The following OAT variants were observed in gnomAD, a reference collection of about 807,000 sequenced individuals.
OAT encodes the protein ornithine aminotransferase, mitochondrial.
Under a neutral mutation model 48.4 loss-of-function variants are expected in OAT, and 35 were observed. The ratio of observed to expected loss-of-function variants is 0.72; its 90% CI spans 0.55 to 0.96. The LOEUF (loss-of-function observed/expected upper bound fraction) is 0.96. Among genes scored for constraint, OAT ranks in the 40% least tolerant of loss-of-function variants. The pLI, the probability that OAT is intolerant of heterozygous loss-of-function variation, is 0.00. For missense variants in OAT, 438 were observed against 537.9 expected, an observed-to-expected ratio of 0.81 and a Z score of 1.84; for synonymous variants, 182 against 198.4, an observed-to-expected ratio of 0.92 and a Z score of 0.70.
intron 1 of OAT, among the ~76,000 whole-genome samples, chr10:124,413,513 G>A (rs531206664): frequency 7.2e-5 from 11 of 152,114 alleles, no homozygotes; most frequent in Admixed American, 2.6e-4. Context: ...GAGAAACCCC[G>A]TCTCTACTGA....
chr10:124,406,124 C>T (rs936969960), intron 4 of OAT: 2 of 984,752 alleles, frequency 2.0e-6, no homozygotes, highest in African/African-American at 3.5e-5. Flanking sequence ...CAGACGTCTC[C>T]CTTTCTGCTG....
chr10:124,405,603 C>T, intron 4 of OAT, 40 bp from the exon 5 acceptor site: 1 of 1,610,294 alleles, frequency 6.2e-7, no homozygotes, highest in Middle Eastern at 1.7e-4. Context: ...TCAAAGAAAC[C>T]CAAAATTCAA....
Position 124,412,014 on chromosome 10 carries a change from T to C in OAT, c.158A>G (p.His53Arg), listed in dbSNP as rs752924079. 5.0e-6 allele frequency: 8 copies of C among 1,614,122 alleles called. No homozygotes were observed. The East Asian group carries it at 1.6e-4, about 31-fold the overall frequency. ...GGCTACAGGTAAAGGATGGTAGTTG[T>C]GTGCACCATACTTATATTCCCTTTC... ...IFEREYKYGA[H>R]NYHPLPVALE... The change falls in exon 2 of 10, where the codon CAC (histidine) becomes CGC (arginine). Residue 53 changes from histidine to arginine, a missense_variant. His to Arg is a conservative substitution (Grantham distance 29). Coordinates refer to ENST00000368845, the MANE Select transcript of OAT (RefSeq NM_000274.4).
At chr10:124,398,709 A>G (rs1951309183) in intron 9 of OAT, among the ~76,000 whole-genome samples, 2 of 151,338 alleles carry the variant, frequency 1.3e-5, no homozygotes, top group Middle Eastern at 3.5e-3. Flanking sequence ...TCACACAAGG[A>G]ACTAATGCAA....
rs150360964 is a variant in OAT, at chr10:124,405,317, G to A, written c.648+119C>T. ...CTACTGAGAACAAGTCTGAAATCGT[G>A]GCTTAACTTAAGTGAGATAAATTTG... On this transcript the variant is annotated intron_variant, in intron 5 of 9. Coordinates refer to ENST00000368845, the MANE Select transcript of OAT (RefSeq NM_000274.4). 107 of 1,439,726 alleles carry A rather than the reference G, an allele frequency of 7.4e-5. No homozygotes were observed. In the African/African-American group the frequency reaches 1.4e-3, roughly 19 times the overall value. The allele number at this position is 1,439,726 out of a possible 1,614,324, so 89.2% of individuals were successfully genotyped here.
At chr10:124,408,124 A>C (rs1364067400) in intron 4 of OAT, among the ~76,000 whole-genome samples, 4 of 152,088 alleles carry the variant, frequency 2.6e-5, no homozygotes, top group African/African-American at 9.7e-5. Context: ...CTCATATATG[A>C]AGAAATAATC....
At position 124,403,887 on chromosome 10, in the gene OAT, T is replaced by C; in HGVS notation, c.682A>G (p.Met228Val). The change falls in exon 6 of 10, where the codon ATG becomes GTG. Residue 228 changes from methionine to valine, a missense_variant. By Grantham distance (21) the Met-to-Val change is conservative. Coordinates refer to ENST00000368845, the MANE Select transcript of OAT (RefSeq NM_000274.4). ...GCTTCACCCTGAATTGGTTCTACCA[T>C]GAACGCAGCCACATTTGGATCCTGA... ...ALQDPNVAAF[M>V]VEPIQGEAGV... 1 of 1,614,180 alleles carries C rather than the reference T, an allele frequency of 6.2e-7. No homozygotes were observed.
chr10:124,416,092 A>G (rs1422288412), intron 1 of OAT, among the ~76,000 whole-genome samples: 1 of 152,142 alleles, frequency 6.6e-6, no homozygotes, highest in African/African-American at 2.4e-5. Context: ...ACCCTCCCCT[A>G]TAGAATTTAC....
chr10:124,405,457 A>T lies in OAT; in HGVS notation c.627T>A (p.Tyr209Ter), dbSNP rs121965056. Residue 209 changes from tyrosine to a stop codon, truncating the protein, a stop_gained, in exon 5 of 10, where the codon TAT becomes TAA. Transcript: ENST00000368845. LOFTEE classifies it high-confidence loss of function. ...ATACCTCCAGTGCGGGCAGATCATTATAGGGAATGATGTCGAATCCCGGCA... is the reference window on the plus strand; with the variant it reads ...ATACCTCCAGTGCGGGCAGATCATTTTAGGGAATGATGTCGAATCCCGGCA... The part of the protein sequence containing the change: ...PFMPGFDIIP[Y>*]NDLPALERAL... 193 of 1,613,834 alleles carry T rather than the reference A, an allele frequency of 1.2e-4. No homozygotes were observed. The highest frequency in any genetic ancestry group is 1.6e-4 in the Non-Finnish European group (193 of 1,179,808).
chr10:124,411,325 T>C (rs1446107622), intron 2 of OAT, among the ~76,000 whole-genome samples: 3 of 151,806 alleles, frequency 2.0e-5, no homozygotes, highest in African/African-American at 7.3e-5. Context: ...AAAAGGAAAA[T>C]GTCAGTACTA....
intron 9 of OAT, 83 bp from the exon 10 acceptor site, chr10:124,398,185 G>T: frequency 6.8e-7 from 1 of 1,479,004 alleles, no homozygotes; most frequent in Non-Finnish European, 9.4e-7. Context: ...AGTGCAGCCT[G>T]GCAAAACAAA....
In OAT at chr10:124,405,582, CAG is replaced by C; in HGVS notation, c.521-21_521-20del. On this transcript the variant is annotated intron_variant, in intron 4 of 9. Coordinates refer to ENST00000368845, the MANE Select transcript of OAT (RefSeq NM_000274.4). Reference sequence around the variant, plus strand: ...TTCCCAGCTACAAAGGGGAAACAAACAGTGATTATTTCAAAGAAACCCAAAAT... The same window carrying C: ...TTCCCAGCTACAAAGGGGAAACAAACTGATTATTTCAAAGAAACCCAAAAT... 2 of 1,613,038 alleles carry C rather than the reference CAG, an allele frequency of 1.2e-6. No homozygotes were observed. Among genetic ancestry groups the C allele is most frequent in the Non-Finnish European group, 1.7e-6 (2 of 1,179,350 alleles).
At position 124,397,852 on chromosome 10, in the gene OAT, G is replaced by A; in HGVS notation, c.*90C>T. The A allele has an allele frequency of 4.0e-6, 6 of 1,510,560 alleles. No individual in the cohort carries two copies. In the South Asian group the frequency reaches 5.7e-5, roughly 14 times the overall value. The allele number at this position is 1,510,560 out of a possible 1,614,324, so 93.6% of individuals were successfully genotyped here. A position where few individuals can be genotyped will look rare whatever the true frequency, so the allele number is the denominator to read the frequency against. ...AAAAAGTTTTTGAAGACTCATGGGA[G>A]TGGAATGTGCCCACATTAGGAATAA... On this transcript the variant is annotated 3_prime_UTR_variant, in exon 10 of 10. Transcript: ENST00000368845.
intron 4 of OAT, chr10:124,406,311 T>C (rs1462767306): frequency 2.6e-5 from 4 of 152,162 alleles, no homozygotes; most frequent in East Asian, 2.2e-4. Context: ...GCCAACATGG[T>C]GAAACCCCAT....
rs1273785742 is a variant in OAT at position 124,397,357 on chromosome 10, T to C, written c.*585A>G. ...TTTAAAGAAGTATTGAAAATAAACA[T>C]TTTTTACAAATTATAATCAAGCACT... is the stretch of plus-strand genomic sequence containing the variant. On this transcript the variant is annotated 3_prime_UTR_variant, in exon 10 of 10. Transcript: ENST00000368845. 1 of 152,270 alleles carries C rather than the reference T, an allele frequency of 6.6e-6. No individual in the cohort carries two copies. The highest frequency in any genetic ancestry group is 1.5e-5 in the Non-Finnish European group (1 of 68,064). 9.4% of individuals were successfully genotyped at this position (152,270 alleles called of 1,614,324 possible).
intron 1 of OAT, among the ~76,000 whole-genome samples, chr10:124,413,829 C>T (rs1404661289): frequency 6.6e-6 from 1 of 152,000 alleles, no homozygotes; most frequent in African/African-American, 2.4e-5. Context: ...ACCCTGCCGC[C>T]CCATCACATA....
At chr10:124,403,493 G>C (rs186945869) in intron 6 of OAT, among the ~76,000 whole-genome samples, 2 of 152,298 alleles carry the variant, frequency 1.3e-5, no homozygotes, top group East Asian at 3.9e-4. Context: ...AGGGCTTGCG[G>C]GGGCTCAGAG....
At position 124,404,656 on chromosome 10, in the gene OAT, C is replaced by T. The variant is rs552643244; in HGVS notation, c.649-736G>A. Among the ~76,000 whole-genome samples the T allele has an allele frequency of 1.7e-4, 26 of 152,262 alleles. No homozygotes were observed. The East Asian group carries it at 3.9e-3, about 23-fold the overall frequency. On this transcript the variant is annotated intron_variant, in intron 5 of 9. Coordinates refer to ENST00000368845, the MANE Select transcript of OAT (RefSeq NM_000274.4). ...CCCAGGCTGGTCTTGAACTCCTGAA[C>T]ACAAAGTGCTCCTCCAGCCCTGGCC...
chr10:124,415,524 G>A (rs974992298), intron 1 of OAT, among the ~76,000 whole-genome samples: 9 of 152,162 alleles, frequency 5.9e-5, no homozygotes, highest in African/African-American at 1.2e-4. Context: ...TCCTGTAAAC[G>A]CATTTCTATT....
Sources: gnomAD v4.1 joint callset for allele counts (sites outside exome capture counted in the v4.1 genomes callset) on GRCh38, gnomAD v4.1.1 for gene constraint, MANE v1.5 for transcripts, NCBI Gene and HGNC (gene_info 2026-07-23, HGNC 2026-07-21) for gene names.